The following OR51B5 variants were observed in gnomAD, a reference collection of about 807,000 sequenced individuals.
The protein encoded by OR51B5 is olfactory receptor family 51 subfamily B member 5.
For synonymous variants in OR51B5, 186 were observed against 144.8 expected (o/e 1.28, Z -2.04); for missense variants, 456 against 374.6 (o/e 1.22, Z -1.79).
At chr11:5,357,823 C>A (rs1363539889) in intron 1 of OR51B5, among the ~76,000 whole-genome samples, 5 of 151,438 alleles carry the variant, frequency 3.3e-5, no homozygotes, top group Non-Finnish European at 7.4e-5. Flanking sequence ...AACTAGAACT[C>A]AGGATTAAGA....
intron 1 of OR51B5, among the ~76,000 whole-genome samples, chr11:5,465,064 G>A (rs1221123876): frequency 6.6e-6 from 1 of 151,602 alleles, no homozygotes; most frequent in Admixed American, 6.6e-5. Context: ...AAATTGTCCG[G>A]GCGTAGTGGC....
intron 1 of OR51B5, chr11:5,355,155 G>C (rs908902178): frequency 5.8e-6 from 1 of 172,382 alleles, no homozygotes; most frequent in African/African-American, 2.4e-5. Flanking sequence ...GCTCAACAGA[G>C]CTTCAGGAGG....
chr11:5,425,379 T>C (rs1850432466), intron 1 of OR51B5, among the ~76,000 whole-genome samples: 1 of 152,196 alleles, frequency 6.6e-6, no homozygotes, highest in East Asian at 1.9e-4. Context: ...TGCAATTTTG[T>C]GGTCAGAGAT....
intron 1 of OR51B5, among the ~76,000 whole-genome samples, chr11:5,471,502 C>A (rs1851227895): frequency 6.6e-6 from 1 of 152,068 alleles, no homozygotes; most frequent in African/African-American, 2.4e-5. Context: ...CAGGCGTGGT[C>A]ACACATGACT....
intron 1 of OR51B5, among the ~76,000 whole-genome samples, chr11:5,415,603 G>A (rs577989035): frequency 6.6e-5 from 10 of 152,170 alleles, no homozygotes; most frequent in South Asian, 6.2e-4. Context: ...TATCACCACC[G>A]ATCCCACAGA....
At chr11:5,464,576 G>A (rs1851109150) in intron 1 of OR51B5, among the ~76,000 whole-genome samples, 1 of 151,720 alleles carries the variant, frequency 6.6e-6, no homozygotes, top group Non-Finnish European at 1.5e-5. Context: ...TGAGAATGAT[G>A]ATTTCCAATT....
intron 1 of OR51B5, among the ~76,000 whole-genome samples, chr11:5,373,221 GTA>G (rs1247764589): frequency 5.3e-5 from 8 of 152,160 alleles, no homozygotes. Context: ...GGAAGAACAT[GTA>G]TAGAGATAGC....
intron 1 of OR51B5, chr11:5,422,294 C>T (rs761530287): frequency 2.5e-6 from 4 of 1,614,058 alleles, no homozygotes; most frequent in Non-Finnish European, 3.4e-6. Context: ...GATCTCCATC[C>T]CCGTCTGCTG....
At chr11:5,480,070 CACCACACCTATTCCAAAATTG>C (rs1232889658) in intron 1 of OR51B5, among the ~76,000 whole-genome samples, 7 of 152,180 alleles carry the variant, frequency 4.6e-5, no homozygotes, top group African/African-American at 1.7e-4. Context: ...TTTTTTTCAG[CACCACACCTATTCCAAAATTG>C]ACCACGTACT....
At chr11:5,460,451 T>TAAGACACA (rs1851033119) in intron 1 of OR51B5, among the ~76,000 whole-genome samples, 1 of 135,834 alleles carries the variant, frequency 7.4e-6, no homozygotes, top group African/African-American at 2.8e-5. Flanking sequence ...CAGTTTGGTT[T>TAAGACACA]GTTCTTAAAA....
intron 1 of OR51B5, among the ~76,000 whole-genome samples, chr11:5,464,815 C>T (rs1309047730): frequency 6.6e-6 from 1 of 152,056 alleles, no homozygotes; most frequent in Admixed American, 6.5e-5. Flanking sequence ...AATGGGATGG[C>T]TGGGTCAAAT....
intron 1 of OR51B5, among the ~76,000 whole-genome samples, chr11:5,357,572 G>C (rs570681812): frequency 4.2e-4 from 64 of 151,938 alleles, no homozygotes; most frequent in African/African-American, 1.5e-3. Flanking sequence ...ATCAACATTA[G>C]ACAGATCAAC....
chr11:5,488,829 A>G, intron 1 of OR51B5: 5 of 1,613,922 alleles, frequency 3.1e-6, no homozygotes, highest in Non-Finnish European at 4.2e-6. Flanking sequence ...ATCTTGTAGC[A>G]CTGGTTGGAA....
At chr11:5,477,507 A>G (rs572227075) in intron 1 of OR51B5, among the ~76,000 whole-genome samples, 1 of 152,118 alleles carries the variant, frequency 6.6e-6, no homozygotes, top group East Asian at 1.9e-4. Context: ...TTGGGGGAGG[A>G]GCCAAGATGG....
At chr11:5,368,001 A>C (rs1480366002) in intron 1 of OR51B5, among the ~76,000 whole-genome samples, 1 of 152,176 alleles carries the variant, frequency 6.6e-6, no homozygotes, top group Non-Finnish European at 1.5e-5. Flanking sequence ...GAGTAGAGCT[A>C]CTTCTCTTCT....
intron 1 of OR51B5, among the ~76,000 whole-genome samples, chr11:5,363,819 G>A (rs576071622): frequency 3.3e-5 from 5 of 152,288 alleles, no homozygotes; most frequent in South Asian, 2.1e-4. Context: ...TATATTTAGT[G>A]TACAATAGAA....
upstream of OR51B5, among the ~76,000 whole-genome samples, chr11:5,347,558 T>C (rs1849012393): frequency 6.6e-6 from 1 of 152,150 alleles, no homozygotes; most frequent in Admixed American, 6.5e-5. Flanking sequence ...CGTTTTACAG[T>C]AAGGACTATG....
chr11:5,389,713 C>T (rs1849762320), intron 1 of OR51B5: 3 of 1,613,884 alleles, frequency 1.9e-6, no homozygotes, highest in Non-Finnish European at 8.5e-7. Context: ...ATAGTATCTA[C>T]TTTGGAGCGT....
chr11:5,489,125 A>T, intron 1 of OR51B5: 1 of 1,613,910 alleles, frequency 6.2e-7, no homozygotes, highest in Non-Finnish European at 8.5e-7. Flanking sequence ...ACCATTCTCA[A>T]CCATGCTGTC....
Sources: allele counts gnomAD v4.1 joint callset (sites outside exome capture counted in the v4.1 genomes callset), GRCh38; gene constraint gnomAD v4.1.1; transcripts MANE v1.5; gene names NCBI Gene and HGNC (gene_info 2026-07-23, HGNC 2026-07-21).